TLR2: variants seen among roughly 807,000 people sequenced by gnomAD.
The protein encoded by TLR2 is toll like receptor 2, also known as toll-like receptor 2.
In TLR2, 7 loss-of-function variants were observed where a neutral mutation model predicts 9.1. That is an observed-to-expected ratio of 0.77 (90% CI 0.44 to 1.44). TLR2 has a LOEUF of 1.44. Ranked by LOEUF, TLR2 falls within the 40% of genes most tolerant of loss-of-function variation. The pLI is 0.01. For synonymous variants in TLR2, 317 were observed against 344.6 expected, an observed-to-expected ratio of 0.92 and a Z score of 0.89; for missense variants, 812 against 904.6, an observed-to-expected ratio of 0.90 and a Z score of 1.31.
intron 2 of TLR2, among the ~76,000 whole-genome samples, chr4:153,692,522 A>G (rs1736191230): frequency 6.6e-6 from 1 of 152,196 alleles, no homozygotes; most frequent in African/African-American, 2.4e-5. Context: ...AACAATGGCC[A>G]CCATCAAAAA....
chr4:153,710,330 T>C (rs1397890994), downstream of TLR2: 7 of 1,488,462 alleles, frequency 4.7e-6, no homozygotes, highest in African/African-American at 8.4e-5. Context: ...GGACCAAGGA[T>C]TTCAACCATG....
chr4:153,698,412 G>T (rs768423404), intron 2 of TLR2, among the ~76,000 whole-genome samples: 10 of 152,120 alleles, frequency 6.6e-5, no homozygotes, highest in Non-Finnish European at 1.2e-4. Flanking sequence ...ACAGCATCAT[G>T]CACCTGAATT....
Position 153,705,487 on chromosome 4 carries a change from C to T in TLR2, c.*225C>T, listed in dbSNP as rs1311848288. On this transcript the variant is annotated 3_prime_UTR_variant, in exon 3 of 3. Transcript: ENST00000642700. ...GGTTTTTCTTTTTTCTATGAGATAA[C>T]CATGATCATAAGTCTATTACTGATA... 1 of 447,392 alleles carries T rather than the reference C, an allele frequency of 2.2e-6. No homozygotes were observed. The highest frequency in any genetic ancestry group is 2.0e-5 in the African/African-American group (1 of 49,138). The allele number at this position is 447,392 out of a possible 1,614,324, so 27.7% of individuals were successfully genotyped here. A position where few individuals can be genotyped will look rare whatever the true frequency, so the allele number is the denominator to read the frequency against.
intron 2 of TLR2, among the ~76,000 whole-genome samples, chr4:153,699,322 C>G (rs764113127): frequency 3.3e-5 from 5 of 152,196 alleles, no homozygotes; most frequent in Non-Finnish European, 7.4e-5. Context: ...CACTGTCACT[C>G]CATAACCAAC....
intron 2 of TLR2, among the ~76,000 whole-genome samples, chr4:153,700,885 C>T (rs559243360): frequency 1.2e-3 from 180 of 152,050 alleles, no homozygotes; most frequent in Non-Finnish European, 2.0e-3. Context: ...TGATTATTTC[C>T]TCAAGATGAT....
intron 1 of TLR2, among the ~76,000 whole-genome samples, chr4:153,685,315 T>TGAAAGAGAGA (rs937562933): frequency 3.3e-5 from 5 of 152,054 alleles, no homozygotes; most frequent in African/African-American, 7.2e-5. Context: ...TTTTCCTGTT[T>TGAAAGAGAGA]GAAAGAGAGA....
At chr4:153,687,156 C>G (rs1735764049) in intron 1 of TLR2, among the ~76,000 whole-genome samples, 1 of 151,926 alleles carries the variant, frequency 6.6e-6, no homozygotes, top group Non-Finnish European at 1.5e-5. Context: ...CATATAAAAA[C>G]TTGTCAGATG....
chr4:153,705,577 A>G lies in TLR2; in HGVS notation c.*315A>G, dbSNP rs551274057. 311 of 225,520 alleles carry G rather than the reference A, an allele frequency of 1.4e-3. 1 individual carries two copies. Among genetic ancestry groups the G allele is most frequent in the African/African-American group, 5.9e-3 (254 of 43,290 alleles). 14.0% of individuals were successfully genotyped at this position (225,520 alleles called of 1,614,324 possible). ...AGGATCCTCGTGGATATCAAAATTCATAGATGATCAAGTCCCTTATAAGAG... is the reference window on the plus strand; with the variant it reads ...AGGATCCTCGTGGATATCAAAATTCGTAGATGATCAAGTCCCTTATAAGAG... On this transcript the variant is annotated 3_prime_UTR_variant, in exon 3 of 3. Coordinates refer to ENST00000642700, the MANE Select transcript of TLR2 (RefSeq NM_001318789.2).
chr4:153,685,924 A>C (rs1019465907), intron 1 of TLR2, among the ~76,000 whole-genome samples: 4 of 152,218 alleles, frequency 2.6e-5, no homozygotes, highest in Admixed American at 2.6e-4. Context: ...AAATTTATCC[A>C]TTCATGGTTC....
At chr4:153,702,759 TCTTTGTGTGTG>T in intron 2 of TLR2, 122 bp from the exon 3 acceptor site, 2 of 570,716 alleles carry the variant, frequency 3.5e-6, no homozygotes, top group Non-Finnish European at 5.5e-6. Flanking sequence ...TCTCTCTCTC[TCTTTGTGTGTG>T]TGTGTGTGTG....
intron 1 of TLR2, among the ~76,000 whole-genome samples, chr4:153,687,596 G>T (rs1406896768): frequency 1.3e-5 from 2 of 151,978 alleles, no homozygotes; most frequent in African/African-American, 2.4e-5. Flanking sequence ...TAACTTAGGA[G>T]CTTTTTTTTT....
chr4:153,710,271 TA>T (rs1737473417), downstream of TLR2: 2 of 962,460 alleles, frequency 2.1e-6, no homozygotes, highest in Non-Finnish European at 2.9e-6. Flanking sequence ...CTTAGTTTTC[TA>T]AACACTTGGG....
chr4:153,696,762 A>G (rs145518299), intron 2 of TLR2, among the ~76,000 whole-genome samples: 236 of 152,222 alleles, frequency 1.6e-3, no homozygotes, highest in African/African-American at 5.3e-3. Context: ...TTAAATTACT[A>G]AGGGTAAAGT....
rs575054946 is a variant in TLR2, at chr4:153,689,079, G to A, written c.-17+1032G>A. Reference sequence around the variant, plus strand: ...GTTAATCACTGCTAATCTGTCTGCAGCTCCTTCAAGCACTCCAGTTCCTGG... The same window carrying A: ...GTTAATCACTGCTAATCTGTCTGCAACTCCTTCAAGCACTCCAGTTCCTGG... On this transcript the variant is annotated intron_variant, in intron 2 of 2. Transcript: ENST00000642700. Among the ~76,000 whole-genome samples, 22 of 152,316 alleles carry A rather than the reference G, an allele frequency of 1.4e-4. No individual in the cohort carries two copies. The South Asian group carries it at 4.6e-3, about 32-fold the overall frequency.
At chr4:153,691,504 A>G (rs1189141639) in intron 2 of TLR2, among the ~76,000 whole-genome samples, 3 of 152,222 alleles carry the variant, frequency 2.0e-5, no homozygotes, top group Admixed American at 6.5e-5. Context: ...TTGCTCTTAT[A>G]CAATAACACC....
chr4:153,698,829 C>T (rs978847249), intron 2 of TLR2, among the ~76,000 whole-genome samples: 1 of 152,168 alleles, frequency 6.6e-6, no homozygotes, highest in African/African-American at 2.4e-5. Context: ...TAAAGATCTT[C>T]TAATTCACCC....
At position 153,705,672 on chromosome 4, in the gene TLR2, G is replaced by T; in HGVS notation, c.*410G>T. 6.0e-6 allele frequency: 1 copy of T among 167,796 alleles called. No individual in the cohort carries two copies. The allele number at this position is 167,796 out of a possible 1,614,324, so 10.4% of individuals were successfully genotyped here. On this transcript the variant is annotated 3_prime_UTR_variant, in exon 3 of 3. Transcript: ENST00000642700. Reference sequence around the variant, plus strand: ...TTTAAATCATCTCTAGATTACTTATGATACCCAATACAATGTAAATACTAT... The same window carrying T: ...TTTAAATCATCTCTAGATTACTTATTATACCCAATACAATGTAAATACTAT...
intron 2 of TLR2, among the ~76,000 whole-genome samples, chr4:153,694,692 T>C (rs1429876797): frequency 6.6e-6 from 1 of 152,240 alleles, no homozygotes; most frequent in Admixed American, 6.5e-5. Context: ...AACAATCCAA[T>C]TAAACCTTTT....
intron 2 of TLR2, among the ~76,000 whole-genome samples, chr4:153,688,938 T>G (rs1735908825): frequency 1.3e-5 from 2 of 152,224 alleles, no homozygotes; most frequent in Non-Finnish European, 2.9e-5. Context: ...GTGAGCTACT[T>G]CTTGCAGGAG....
Sources: gnomAD v4.1 joint callset for allele counts (sites outside exome capture counted in the v4.1 genomes callset) on GRCh38, gnomAD v4.1.1 for gene constraint, MANE v1.5 for transcripts, NCBI Gene and HGNC (gene_info 2026-07-23, HGNC 2026-07-21) for gene names.